MFSD1: variants seen among roughly 807,000 people sequenced by gnomAD.
MFSD1 encodes lysosomal dipeptide transporter MFSD1.
Under a neutral mutation model 67.1 loss-of-function variants are expected in MFSD1, and 59 were observed. The ratio of observed to expected loss-of-function variants is 0.88; its 90% confidence interval spans 0.71 to 1.09. The LOEUF (loss-of-function observed/expected upper bound fraction) is 1.09. Ranked by LOEUF, MFSD1 falls within the 50% of genes least tolerant of loss-of-function variation. The pLI, the probability that MFSD1 is intolerant of heterozygous loss-of-function variation, is 0.00. For synonymous variants in MFSD1, 213 were observed against 200.3 expected (o/e 1.06, Z -0.54); for missense variants, 552 against 566.1 (o/e 0.97, Z 0.25).
At position 158,819,655 on chromosome 3, in the gene MFSD1, T is replaced by C; in HGVS notation, c.659T>C (p.Ile220Thr). The change falls in exon 8 of 16, where the codon ATA becomes ACA. Residue 220 changes from isoleucine to threonine, a missense_variant. Physicochemically the swap from Ile to Thr is moderately conservative, Grantham distance 89. Coordinates refer to ENST00000415822, the MANE Select transcript of MFSD1 (RefSeq NM_022736.4). ...TTTTTTTTTTTTTATTTAGGGGGTA[T>C]AACGTGTATTCTTTCACTAATCTGT... ...TLGITLMIGG[I>T]TCILSLICAL... The C allele has an allele frequency of 1.3e-6, 2 of 1,521,690 alleles. No individual in the cohort carries two copies. The highest frequency in any genetic ancestry group is 1.8e-5 in the Admixed American group (1 of 55,740). The allele number at this position is 1,521,690 out of a possible 1,614,324, so 94.3% of individuals were successfully genotyped here. A position where few individuals can be genotyped will look rare whatever the true frequency, so the allele number is the denominator to read the frequency against.
chr3:158,826,493 C>T (rs1253915770), intron 14 of MFSD1, among the ~76,000 whole-genome samples: 1 of 151,726 alleles, frequency 6.6e-6, no homozygotes, highest in Non-Finnish European at 1.5e-5. Flanking sequence ...CTAATTCGTA[C>T]TGTATGCATT....
At chr3:158,825,371 G>T (rs1730913283) in intron 13 of MFSD1, 1 of 152,206 alleles carries the variant, frequency 6.6e-6, no homozygotes, top group African/African-American at 2.4e-5. Flanking sequence ...TGTTGCCCAG[G>T]CTGGACTTGA....
intron 2 of MFSD1, 42 bp from the exon 3 acceptor site, chr3:158,805,317 ACTT>A (rs1359033947): frequency 7.6e-6 from 11 of 1,451,118 alleles, no homozygotes; most frequent in Non-Finnish European, 9.7e-6. Context: ...TAGTTGCTAA[ACTT>A]AACTGTTTGG....
At chr3:158,825,962 A>G (rs1026795545) in intron 13 of MFSD1, 53 bp from the exon 14 acceptor site, 23 of 1,367,926 alleles carry the variant, frequency 1.7e-5, no homozygotes, top group Non-Finnish European at 2.2e-5. Context: ...ATTACATAGG[A>G]ATCATTGAGA....
chr3:158,825,991 G>A, intron 13 of MFSD1, 24 bp from the exon 14 acceptor site: 6 of 1,594,188 alleles, frequency 3.8e-6, no homozygotes, highest in Non-Finnish European at 5.2e-6. Flanking sequence ...ATATTTTAAG[G>A]GCCCTATGTT....
intron 1 of MFSD1, chr3:158,802,609 T>C (rs1729516466): frequency 6.0e-6 from 4 of 662,450 alleles, no homozygotes; most frequent in Admixed American, 2.1e-5. Flanking sequence ...AGGCGATAGA[T>C]ATGAAGGTAA....
chr3:158,828,671 T>C (rs1031074638), intron 15 of MFSD1, among the ~76,000 whole-genome samples: 1 of 152,170 alleles, frequency 6.6e-6, no homozygotes, highest in Non-Finnish European at 1.5e-5. Context: ...CAAGAAAAAG[T>C]ATGCTGTCAC....
At chr3:158,827,539 C>T (rs1731046821) in intron 15 of MFSD1, among the ~76,000 whole-genome samples, 1 of 151,888 alleles carries the variant, frequency 6.6e-6, no homozygotes, top group Non-Finnish European at 1.5e-5. Flanking sequence ...CTCAGCCTCC[C>T]AAGTAGCTGG....
chr3:158,815,960 A>G (rs1275274457), intron 7 of MFSD1, among the ~76,000 whole-genome samples: 1 of 152,096 alleles, frequency 6.6e-6, no homozygotes, highest in African/African-American at 2.4e-5. Flanking sequence ...AGTTTCATCC[A>G]TGTCCCTACA....
At chr3:158,810,197 G>A (rs1729928721) in intron 6 of MFSD1, among the ~76,000 whole-genome samples, 1 of 152,084 alleles carries the variant, frequency 6.6e-6, no homozygotes, top group Non-Finnish European at 1.5e-5. Flanking sequence ...CTAATTTTGT[G>A]TATTTTTTAT....
intron 5 of MFSD1, 119 bp from the exon 6 acceptor site, chr3:158,809,060 G>A: frequency 6.3e-6 from 4 of 636,338 alleles, no homozygotes; most frequent in Middle Eastern, 4.2e-4. Context: ...CAAGGGGAGG[G>A]GACAGAGGCC....
At chr3:158,812,396 C>G (rs963902688) in intron 6 of MFSD1, among the ~76,000 whole-genome samples, 2 of 152,144 alleles carry the variant, frequency 1.3e-5, no homozygotes, top group African/African-American at 4.8e-5. Context: ...AAAAGTTGAG[C>G]AGCGTTGGCT....
At chr3:158,802,533 G>T in intron 1 of MFSD1, 1 of 719,160 alleles carries the variant, frequency 1.4e-6, no homozygotes, top group East Asian at 2.7e-5. Context: ...GAGGGACTGA[G>T]CTGGGCGAGT....
intron 13 of MFSD1, chr3:158,824,449 T>G (rs1730850643): frequency 1.9e-6 from 1 of 521,964 alleles, no homozygotes; most frequent in African/African-American, 1.9e-5. Context: ...ATATTCTGTT[T>G]TAACTATTTA....
chr3:158,817,041 T>C (rs931930818), intron 7 of MFSD1, among the ~76,000 whole-genome samples: 11 of 152,222 alleles, frequency 7.2e-5, no homozygotes, highest in Non-Finnish European at 1.5e-4. Context: ...CCATGCTGTT[T>C]TGGTTACTGT....
rs954279458 is a variant in MFSD1, at chr3:158,814,601, G to A, written c.652+534G>A. Among the ~76,000 whole-genome samples the A allele has an allele frequency of 1.3e-4, 20 of 152,202 alleles. No homozygotes were observed. The South Asian group carries it at 2.1e-3, about 16-fold the overall frequency. On this transcript the variant is annotated intron_variant, in intron 7 of 15. Transcript: ENST00000415822. ...CTCCCAGAGTGCTGGGATTACAGGC[G>A]TGAGCCACCGCACCTGGCCTGTTGT...
At chr3:158,827,212 A>G (rs1731019025) in intron 14 of MFSD1, 68 bp from the exon 15 acceptor site, 2 of 914,372 alleles carry the variant, frequency 2.2e-6, no homozygotes, top group East Asian at 2.6e-5. Context: ...GCATGTATGT[A>G]TGTATGGTTG....
At chr3:158,822,350 T>C in intron 11 of MFSD1, 1 of 330,006 alleles carries the variant, frequency 3.0e-6, no homozygotes, top group Non-Finnish European at 5.4e-6. Context: ...TCATTTGATT[T>C]ATTTAACCAG....
In MFSD1 at chr3:158,809,159, T is replaced by TC; in HGVS notation, c.441-20_441-19insC. On this transcript the variant is annotated intron_variant, in intron 5 of 15. Transcript: ENST00000415822. ...TTTAAAGTTGTGACTTCTGGTTTTTTTTTTTTTTTCTATTTTTAGGATTGG... is the reference window on the plus strand; with the variant it reads ...TTTAAAGTTGTGACTTCTGGTTTTTTCTTTTTTTTTCTATTTTTAGGATTGG... 6.5e-7 allele frequency: 1 copy of TC among 1,534,672 alleles called. No homozygotes were observed. The highest frequency in any genetic ancestry group is 8.8e-7 in the Non-Finnish European group (1 of 1,142,708).
Sources: gnomAD v4.1 joint callset for allele counts (sites outside exome capture counted in the v4.1 genomes callset) on GRCh38, gnomAD v4.1.1 for gene constraint, MANE v1.5 for transcripts, NCBI Gene and HGNC (gene_info 2026-07-23, HGNC 2026-07-21) for gene names.